The following MAB21L4 variants were observed in gnomAD, a reference collection of about 807,000 sequenced individuals.
MAB21L4 encodes protein mab-21-like 4.
A neutral mutation model predicts 32.4 loss-of-function variants in MAB21L4; 25 were observed. The observed-to-expected ratio is 0.77, with a 90% CI of 0.56 to 1.08. MAB21L4 has a LOEUF of 1.08. Among genes scored for constraint, MAB21L4 ranks in the 50% least tolerant of loss-of-function variants. The pLI, the probability that MAB21L4 is intolerant of heterozygous loss-of-function variation, is 0.00. For missense variants in MAB21L4, 638 were observed against 611.0 expected, an observed-to-expected ratio of 1.04 and a Z score of -0.47; for synonymous variants, 280 against 276.8, an observed-to-expected ratio of 1.01 and a Z score of -0.11.
chr2:240,887,324 G>A (rs771093485), intron 4 of MAB21L4, among the ~76,000 whole-genome samples, 162 bp from the exon 5 acceptor site: 2 of 152,186 alleles, frequency 1.3e-5, no homozygotes, highest in Non-Finnish European at 2.9e-5. Flanking sequence ...GAGGCGGAGC[G>A]GCCCCAGCCT....
intron 1 of MAB21L4, among the ~76,000 whole-genome samples, chr2:240,893,530 T>A (rs1233678731): frequency 3.3e-5 from 5 of 152,226 alleles, no homozygotes; most frequent in African/African-American, 9.6e-5. Context: ...CAGCTGCAAC[T>A]GCACCAGCCC....
Position 240,886,897 on chromosome 2 carries a change from G to A in MAB21L4, c.*173C>T, listed in dbSNP as rs1036648439. 3.5e-6 allele frequency: 2 copies of A among 569,574 alleles called. No individual in the cohort carries two copies. The highest frequency in any genetic ancestry group is 2.4e-5 in the South Asian group (1 of 42,300). The allele number at this position is 569,574 out of a possible 1,614,324, so 35.3% of individuals were successfully genotyped here. On this transcript the variant is annotated 3_prime_UTR_variant, in exon 5 of 5. Coordinates refer to ENST00000388934, the MANE Select transcript of MAB21L4 (RefSeq NM_001085437.3). ...GGAGGTGCTCCAAGAGGCCTGCCCTGCCCCACCAGGCACTGAAAGACTCTC... is the reference window on the plus strand; with the variant it reads ...GGAGGTGCTCCAAGAGGCCTGCCCTACCCCACCAGGCACTGAAAGACTCTC...
intron 4 of MAB21L4, among the ~76,000 whole-genome samples, chr2:240,887,493 C>A (rs2059106199): frequency 6.6e-6 from 1 of 152,264 alleles, no homozygotes; most frequent in African/African-American, 2.4e-5. Flanking sequence ...CAGAGCATGG[C>A]CTTTGCCCCC....
chr2:240,887,781 A>C (rs533247654), intron 4 of MAB21L4, among the ~76,000 whole-genome samples: 8 of 152,322 alleles, frequency 5.3e-5, no homozygotes, highest in African/African-American at 1.9e-4. Flanking sequence ...CAGGCTCAGC[A>C]GAGGTGGCAG....
At chr2:240,896,829 C>T (rs1163280733), upstream of MAB21L4, 6 of 148,046 alleles carry the variant, frequency 4.1e-5, no homozygotes, top group South Asian at 2.2e-4. Context: ...AGCTGGAGCT[C>T]GTCTGGTTCT....
intron 3 of MAB21L4, among the ~76,000 whole-genome samples, chr2:240,889,592 G>A (rs2059126457): frequency 6.6e-6 from 1 of 152,250 alleles, no homozygotes; most frequent in Non-Finnish European, 1.5e-5. Context: ...AGGAAGCAGA[G>A]AGAAGGGTGT....
At chr2:240,892,763 C>T (rs2059160654) in intron 1 of MAB21L4, among the ~76,000 whole-genome samples, 1 of 152,206 alleles carries the variant, frequency 6.6e-6, no homozygotes, top group Non-Finnish European at 1.5e-5. Context: ...GAGGCACATT[C>T]TGACCAAGAG....
At position 240,896,138 on chromosome 2, in the gene MAB21L4, T is replaced by A; in HGVS notation, c.-141A>T. Reference sequence around the variant, plus strand: ...GGCCTCAGCTCCCACACAGCAGAATTCCAGAGTGACAGCACAGTGTGGCAG... The same window carrying A: ...GGCCTCAGCTCCCACACAGCAGAATACCAGAGTGACAGCACAGTGTGGCAG... On this transcript the variant is annotated 5_prime_UTR_variant, in exon 1 of 5. Transcript: ENST00000388934. 1.5e-6 allele frequency: 2 copies of A among 1,352,950 alleles called. No homozygotes were observed. The highest frequency in any genetic ancestry group is 1.9e-6 in the Non-Finnish European group (2 of 1,059,512). The allele number at this position is 1,352,950 out of a possible 1,614,324, so 83.8% of individuals were successfully genotyped here.
At chr2:240,896,177 A>G, upstream of MAB21L4, 8 of 1,322,562 alleles carry the variant, frequency 6.0e-6, no homozygotes, top group Non-Finnish European at 7.7e-6. Flanking sequence ...AAATAGCTGA[A>G]CTATTTAAGG....
chr2:240,891,843 A>C (rs756900249), intron 1 of MAB21L4, 80 bp from the exon 2 acceptor site: 1 of 1,593,628 alleles, frequency 6.3e-7, no homozygotes, highest in Non-Finnish European at 8.6e-7. Context: ...CCTGCTGCCA[A>C]CTTGGCCCCT....
chr2:240,888,058 G>C (rs1029784456), intron 4 of MAB21L4, among the ~76,000 whole-genome samples: 6 of 152,202 alleles, frequency 3.9e-5, no homozygotes, highest in African/African-American at 1.2e-4. Context: ...CACTGCCCTG[G>C]TTCCAGGGAG....
rs56008219 is a variant in MAB21L4 at position 240,886,736 on chromosome 2, G to T, written c.*334C>A. On this transcript the variant is annotated 3_prime_UTR_variant, in exon 5 of 5. Coordinates refer to ENST00000388934, the MANE Select transcript of MAB21L4 (RefSeq NM_001085437.3). ...TACAGCATTTCGTCACCAAGGAATG[G>T]CATACAGTGCAGGCAGGGCCAAGTC... is the stretch of plus-strand genomic sequence containing the variant. 2,967 of 290,018 alleles carry T rather than the reference G, an allele frequency of 0.01. 67 individuals are homozygous for T. The highest frequency in any genetic ancestry group is 0.057 in the African/African-American group (2,646 of 46,330). 18.0% of individuals were successfully genotyped at this position (290,018 alleles called of 1,614,324 possible).
At chr2:240,892,318 C>T (rs2059157335) in intron 1 of MAB21L4, among the ~76,000 whole-genome samples, 1 of 152,150 alleles carries the variant, frequency 6.6e-6, no homozygotes, top group African/African-American at 2.4e-5. Flanking sequence ...CTAGGCCTTT[C>T]CTCCCCAGAA....
At chr2:240,888,232 G>A in intron 4 of MAB21L4, 60 bp downstream of exon 4, 1 of 1,343,890 alleles carries the variant, frequency 7.4e-7, no homozygotes. Flanking sequence ...CCAGGCCAGG[G>A]CTCCATTCCA....
rs1383835174 is a variant in MAB21L4, at chr2:240,891,534, CTA to C, written c.740+2_740+3del. 6.2e-7 allele frequency: 1 copy of C among 1,603,500 alleles called. No individual in the cohort carries two copies. Among genetic ancestry groups the C allele is most frequent in the African/African-American group, 1.3e-5 (1 of 74,922 alleles). On this transcript the variant is annotated splice_donor_variant and splice_donor_region_variant and intron_variant, in intron 2 of 4. Coordinates refer to ENST00000388934, the MANE Select transcript of MAB21L4 (RefSeq NM_001085437.3). LOFTEE classifies it high-confidence loss of function. ...GAACCTTGTGACCAGGAGGGTGCGCCTACCTCCAGAGCTGGGCGCTGGCCGGC... is the reference window on the plus strand; with the variant it reads ...GAACCTTGTGACCAGGAGGGTGCGCCCCTCCAGAGCTGGGCGCTGGCCGGC...
At chr2:240,890,239 C>A (rs1005166227) in intron 2 of MAB21L4, 81 bp from the exon 3 acceptor site, 3 of 1,504,392 alleles carry the variant, frequency 2.0e-6, no homozygotes, top group African/African-American at 2.8e-5. Context: ...CCCGGAGGTT[C>A]GGGCCCTGGC....
At chr2:240,890,203 G>A in intron 2 of MAB21L4, 45 bp from the exon 3 acceptor site, 1 of 1,563,300 alleles carries the variant, frequency 6.4e-7, no homozygotes, top group Non-Finnish European at 8.7e-7. Flanking sequence ...GCCGCTGTTG[G>A]CCCCCAGCAT....
intron 3 of MAB21L4, 37 bp from the exon 4 acceptor site, chr2:240,888,685 C>A (rs771273070): frequency 7.1e-7 from 1 of 1,399,922 alleles, no homozygotes; most frequent in South Asian, 1.5e-5. Flanking sequence ...CCTCCTGGCC[C>A]ACCCGGCCCA....
In MAB21L4 at chr2:240,890,141, A is replaced by G; in HGVS notation, c.758T>C (p.Leu253Pro). 1 of 1,608,282 alleles carries G rather than the reference A, an allele frequency of 6.2e-7. No individual in the cohort carries two copies. Among genetic ancestry groups the G allele is most frequent in the East Asian group, 2.2e-5 (1 of 44,678 alleles). Residue 253 changes from leucine to proline, a missense_variant, in exon 3 of 5, where the codon CTG becomes CCG. Leu to Pro is a moderately conservative substitution (Grantham distance 98). Coordinates refer to ENST00000388934, the MANE Select transcript of MAB21L4 (RefSeq NM_001085437.3). Reference protein sequence around the residue: ...AQLWRTSTDYLLTRLLGELGS... With the variant: ...AQLWRTSTDYPLTRLLGELGS... ...CAGCTCCCCCAGCAGCCTCGTGAGCAGGTAGTCAGTGGAGGTCCTGGGGCC... is the reference window on the plus strand; with the variant it reads ...CAGCTCCCCCAGCAGCCTCGTGAGCGGGTAGTCAGTGGAGGTCCTGGGGCC...
Sources: gnomAD v4.1 joint callset for allele counts (sites outside exome capture counted in the v4.1 genomes callset) on GRCh38, gnomAD v4.1.1 for gene constraint, MANE v1.5 for transcripts, NCBI Gene and HGNC (gene_info 2026-07-23, HGNC 2026-07-21) for gene names.